Variants in ADGRG3 observed in about 807,000 individuals in gnomAD.
The protein encoded by ADGRG3 is adhesion G protein-coupled receptor G3.
ADGRG3 carries 39 observed loss-of-function variants against 54.3 expected under a neutral mutation model. The observed-to-expected ratio is 0.72, with a 90% CI of 0.56 to 0.94. The LOEUF (loss-of-function observed/expected upper bound fraction) is 0.94. Ranked by LOEUF, ADGRG3 falls within the 40% of genes least tolerant of loss-of-function variation. The probability of loss-of-function intolerance (pLI) is 0.00; values close to 1 mark genes in which losing one functional copy is unlikely to be tolerated. For missense variants in ADGRG3, 654 were observed against 694.6 expected, an observed-to-expected ratio of 0.94 and a Z score of 0.66; for synonymous variants, 312 against 290.0, an observed-to-expected ratio of 1.08 and a Z score of -0.77.
chr16:57,688,375 A>C lies in ADGRG3; in HGVS notation c.1564A>C (p.Thr522Pro), dbSNP rs769242422. ...LQGVFICCWF[T>P]ILYLPSQSTT... ...AGGTGTCTTCATCTGCTGCTGGTTC[A>C]CCATCCTTTACCTCCCAAGTCAGAG... Residue 522 changes from threonine (T) to proline (P), a missense_variant, in exon 12 of 12, where the codon ACC becomes CCC. By Grantham distance (38) the Thr-to-Pro change is conservative (BLOSUM62 -1). Coordinates refer to ENST00000333493, the MANE Select transcript of ADGRG3 (RefSeq NM_170776.5). 16 of 1,612,720 alleles carry C rather than the reference A, an allele frequency of 9.9e-6. No homozygotes were observed. Among genetic ancestry groups the C allele is most frequent in the Non-Finnish European group, 1.3e-5 (15 of 1,179,072 alleles).
rs1320982482 is a variant in ADGRG3, at chr16:57,688,728, A to T, written c.*267A>T. On this transcript the variant is annotated 3_prime_UTR_variant, in exon 12 of 12. Coordinates refer to ENST00000333493, the MANE Select transcript of ADGRG3 (RefSeq NM_170776.5). ...CCAGCAAAGAGTGACAGTCACCTCCATGCCCTGCCCTCATTGCAAAGCCCT... is the reference window on the plus strand; with the variant it reads ...CCAGCAAAGAGTGACAGTCACCTCCTTGCCCTGCCCTCATTGCAAAGCCCT... The T allele has an allele frequency of 2.3e-6, 1 of 426,394 alleles. No homozygotes were observed. Among genetic ancestry groups the T allele is most frequent in the African/African-American group, 2.0e-5 (1 of 50,208 alleles). 26.4% of individuals were successfully genotyped at this position (426,394 alleles called of 1,614,324 possible).
In ADGRG3 at chr16:57,669,694, G is replaced by GCATT. The variant is rs150185008; in HGVS notation, c.58+1312_58+1315dup. ...GTGTTAGTCTCCATTCTCCATTTGCGCATTCATTCATTCATTCATTCATTC... is the reference window on the plus strand; with the variant it reads ...GTGTTAGTCTCCATTCTCCATTTGCGCATTCATTCATTCATTCATTCATTCATTC... On this transcript the variant is annotated intron_variant, in intron 1 of 11. Transcript: ENST00000333493. 4.0e-3 allele frequency among the ~76,000 whole-genome samples: 614 copies of GCATT among 152,140 alleles called. 2 individuals carry two copies. The highest frequency in any genetic ancestry group is 0.012 in the African/African-American group (478 of 41,492).
intron 11 of ADGRG3, 49 bp from the exon 12 acceptor site, chr16:57,688,302 CT>C (rs764518206): frequency 2.5e-6 from 3 of 1,213,132 alleles, no homozygotes; most frequent in Non-Finnish European, 3.7e-6. Context: ...GGCTGCCCCA[CT>C]CTCTGCCCAC....
Position 57,668,364 on chromosome 16 carries a change from GC to G in ADGRG3, c.19del (p.Leu7TrpfsTer38). The part of the protein sequence containing the change: MATPR[G>X]LGALLLLLLL... ...TGGCCAAGGATGGCGACGCCCAGGG[GC>G]CTGGGGGCCCTGCTCCTGCTCCTCC... On this transcript the variant is annotated frameshift_variant, in exon 1 of 12. Transcript: ENST00000333493. LOFTEE classifies it high-confidence loss of function. 1 of 1,575,056 alleles carries G rather than the reference GC, an allele frequency of 6.3e-7. No individual in the cohort carries two copies. Among genetic ancestry groups the G allele is most frequent in the East Asian group, 2.3e-5 (1 of 43,914 alleles).
chr16:57,685,587 G>T, intron 10 of ADGRG3, 56 bp from the exon 11 acceptor site: 3 of 1,560,604 alleles, frequency 1.9e-6, no homozygotes, highest in Non-Finnish European at 2.6e-6. Context: ...GGACTTCCTG[G>T]GTTTGCTGGC....
At chr16:57,683,762 T>C (rs1430911726) in intron 8 of ADGRG3, among the ~76,000 whole-genome samples, 170 bp from the exon 9 acceptor site, 1 of 152,052 alleles carries the variant, frequency 6.6e-6, no homozygotes. Flanking sequence ...GACTTGAACC[T>C]CAGGACACTC....
chr16:57,668,749 A>T (rs549431423), intron 1 of ADGRG3, among the ~76,000 whole-genome samples: 1 of 152,284 alleles, frequency 6.6e-6, no homozygotes, highest in African/African-American at 2.4e-5. Context: ...GGCCCCGGGC[A>T]GGCAATTCTC....
At chr16:57,681,965 T>A (rs540091127) in intron 8 of ADGRG3, among the ~76,000 whole-genome samples, 1 of 152,298 alleles carries the variant, frequency 6.6e-6, no homozygotes, top group African/African-American at 2.4e-5. Flanking sequence ...GTCTTACTGG[T>A]CTAACTTGGA....
chr16:57,676,418 T>C, intron 3 of ADGRG3, 80 bp downstream of exon 3: 1 of 1,336,932 alleles, frequency 7.5e-7, no homozygotes, highest in Non-Finnish European at 1.1e-6. Context: ...AAGAGAGTTA[T>C]ATCCTGTGAT....
chr16:57,668,372 GC>G lies in ADGRG3; in HGVS notation c.28del (p.Leu10CysfsTer35). On this transcript the variant is annotated frameshift_variant, in exon 1 of 12. Transcript: ENST00000333493. LOFTEE classifies it high-confidence loss of function. Reference sequence around the variant, plus strand: ...GATGGCGACGCCCAGGGGCCTGGGGGCCCTGCTCCTGCTCCTCCTGCTCCCG... The same window carrying G: ...GATGGCGACGCCCAGGGGCCTGGGGGCCTGCTCCTGCTCCTCCTGCTCCCG... MATPRGLGALLLLLLLPTS... is the reference protein window; with the variant it reads MATPRGLGXLLLLLLLPTS... The G allele has an allele frequency of 6.3e-7, 1 of 1,575,874 alleles. No homozygotes were observed. Among genetic ancestry groups the G allele is most frequent in the Non-Finnish European group, 8.6e-7 (1 of 1,168,052 alleles).
chr16:57,676,407 T>G (rs2048264963), intron 3 of ADGRG3, 69 bp downstream of exon 3: 1 of 1,459,548 alleles, frequency 6.9e-7, no homozygotes, highest in South Asian at 1.2e-5. Context: ...TTCAAAACTC[T>G]AAGAGAGTTA....
At chr16:57,684,810 G>A (rs960878550) in intron 10 of ADGRG3, among the ~76,000 whole-genome samples, 1 of 152,180 alleles carries the variant, frequency 6.6e-6, no homozygotes, top group African/African-American at 2.4e-5. Flanking sequence ...GTCCGCATGC[G>A]GGGTGCGCAG....
intron 1 of ADGRG3, among the ~76,000 whole-genome samples, chr16:57,671,769 T>G (rs895156306): frequency 4.5e-4 from 68 of 152,284 alleles, no homozygotes; most frequent in African/African-American, 1.6e-3. Flanking sequence ...AAAAACAATG[T>G]CCACCAAGAG....
chr16:57,685,328 G>A (rs1394406297), intron 10 of ADGRG3, among the ~76,000 whole-genome samples: 1 of 152,262 alleles, frequency 6.6e-6, no homozygotes, highest in Non-Finnish European at 1.5e-5. Flanking sequence ...GAGCTGCCAG[G>A]TGTATGATTT....
chr16:57,667,610 G>A (rs566384435), upstream of ADGRG3, among the ~76,000 whole-genome samples: 2 of 152,242 alleles, frequency 1.3e-5, no homozygotes, highest in African/African-American at 2.4e-5. Flanking sequence ...TGCATGCAAG[G>A]TCACCCGGCC....
intron 10 of ADGRG3, among the ~76,000 whole-genome samples, chr16:57,685,189 G>A (rs1188267174): frequency 6.6e-6 from 1 of 152,188 alleles, no homozygotes; most frequent in Non-Finnish European, 1.5e-5. Context: ...GGCCTCAAAA[G>A]CAGGGGCCCC....
intron 3 of ADGRG3, among the ~76,000 whole-genome samples, chr16:57,677,678 G>A (rs975015764): frequency 6.6e-6 from 1 of 152,202 alleles, no homozygotes; most frequent in East Asian, 1.9e-4. Flanking sequence ...GTTGGGCGGG[G>A]AGGATTTGAC....
intron 2 of ADGRG3, 97 bp downstream of exon 2, chr16:57,673,565 A>T (rs2048201622): frequency 1.7e-6 from 2 of 1,200,044 alleles, no homozygotes; most frequent in East Asian, 2.4e-5. Context: ...GCCCCAGAAA[A>T]TGTTGCTCCC....
Position 57,680,568 on chromosome 16 carries a change from G to T in ADGRG3, c.832G>T (p.Val278Phe), listed in dbSNP as rs754606663. Reference sequence around the variant, plus strand: ...ACGCATCTCCCAGGCGGGCTGTGGGGTCTCCATGATCTTCCTGGCCTTCAC... The same window carrying T: ...ACGCATCTCCCAGGCGGGCTGTGGGTTCTCCATGATCTTCCTGGCCTTCAC... ...LTRISQAGCG[V>F]SMIFLAFTII... The change falls in exon 8 of 12, where the codon GTC becomes TTC. Residue 278 changes from valine to phenylalanine, a missense_variant. By Grantham distance (50) the Val-to-Phe change is conservative. Coordinates refer to ENST00000333493, the MANE Select transcript of ADGRG3 (RefSeq NM_170776.5). 1 of 1,613,958 alleles carries T rather than the reference G, an allele frequency of 6.2e-7. No homozygotes were observed. The highest frequency in any genetic ancestry group is 1.7e-5 in the Admixed American group (1 of 60,018).
Sources: allele counts gnomAD v4.1 joint callset (sites outside exome capture counted in the v4.1 genomes callset), GRCh38; gene constraint gnomAD v4.1.1; transcripts MANE v1.5; gene names NCBI Gene and HGNC (gene_info 2026-07-23, HGNC 2026-07-21).